AFG3L2: variants seen among roughly 807,000 people sequenced by gnomAD.
AFG3L2 encodes the protein mitochondrial inner membrane m-AAA protease component AFG3L2.
A neutral mutation model predicts 94.5 loss-of-function variants in AFG3L2; 54 were observed. That is an observed-to-expected ratio of 0.57 (90% CI 0.46 to 0.72). The LOEUF (loss-of-function observed/expected upper bound fraction) is 0.72, where lower values mean the gene tolerates loss of function less well. Among genes scored for constraint, AFG3L2 ranks in the 30% least tolerant of loss-of-function variants. The pLI is 0.00. For missense variants in AFG3L2, 754 were observed against 994.9 expected, an observed-to-expected ratio of 0.76 and a Z score of 3.26; for synonymous variants, 377 against 365.5, an observed-to-expected ratio of 1.03 and a Z score of -0.36.
rs1401727088 is a variant in AFG3L2, at chr18:12,337,506, A to G, written c.2010T>C (p.Val670=). The G allele has an allele frequency of 1.2e-6, 2 of 1,614,110 alleles. No individual in the cohort carries two copies. The highest frequency in any genetic ancestry group is 1.1e-5 in the South Asian group (1 of 91,094). The change falls in exon 16 of 17, where the codon GTT becomes GTC. Residue 670 remains valine (V), a synonymous_variant. Coordinates refer to ENST00000269143, the MANE Select transcript of AFG3L2 (RefSeq NM_006796.3). The part of the protein sequence containing the change: ...QIVQFGMNEK[V]GQISFDLPRQ... ...GTGGGAGGTCAAAGGAGATTTGCCC[A>G]ACCTTTTCATTCATGCCAAACTGAA...
At chr18:12,332,129 T>TTTA (rs1168042586) in intron 16 of AFG3L2, among the ~76,000 whole-genome samples, 3 of 149,812 alleles carry the variant, frequency 2.0e-5, no homozygotes, top group Admixed American at 2.0e-4. Flanking sequence ...AATGATTTTT[T>TTTA]TTTTTTTTTT....
At chr18:12,352,950 T>C in intron 10 of AFG3L2, 55 bp downstream of exon 10, 3 of 1,599,214 alleles carry the variant, frequency 1.9e-6, no homozygotes, top group South Asian at 2.2e-5. Flanking sequence ...TCAGACTCCA[T>C]CTCAAAAAAA....
intron 8 of AFG3L2, among the ~76,000 whole-genome samples, 164 bp from the exon 9 acceptor site, chr18:12,356,995 G>A (rs1908517397): frequency 6.6e-6 from 1 of 152,026 alleles, no homozygotes; most frequent in Non-Finnish European, 1.5e-5. Context: ...ATATTAGTAA[G>A]AATAAAAAGA....
intron 12 of AFG3L2, 36 bp downstream of exon 12, chr18:12,351,049 T>G (rs1426384187): frequency 6.2e-7 from 1 of 1,611,568 alleles, no homozygotes; most frequent in African/African-American, 1.3e-5. Context: ...GATTTTAATA[T>G]GCTTCTAAAT....
chr18:12,370,932 A>C lies in AFG3L2; in HGVS notation c.215-6T>G. The C allele has an allele frequency of 6.8e-7, 1 of 1,478,842 alleles. No individual in the cohort carries two copies. Among genetic ancestry groups the C allele is most frequent in the Non-Finnish European group, 9.4e-7 (1 of 1,068,886 alleles). 91.6% of individuals were successfully genotyped at this position (1,478,842 alleles called of 1,614,324 possible). A position where few individuals can be genotyped will look rare whatever the true frequency, so the allele number is the denominator to read the frequency against. On this transcript the variant is annotated splice_region_variant and splice_polypyrimidine_tract_variant and intron_variant, in intron 2 of 16. Transcript: ENST00000269143. Reference sequence around the variant, plus strand: ...AGGAAAGTATTTTTCAAATCCTGTTAGAAAAAGAAAAAAAATACTTATCTT... The same window carrying C: ...AGGAAAGTATTTTTCAAATCCTGTTCGAAAAAGAAAAAAAATACTTATCTT...
At chr18:12,331,148 T>C (rs961476593) in intron 16 of AFG3L2, among the ~76,000 whole-genome samples, 1 of 152,192 alleles carries the variant, frequency 6.6e-6, no homozygotes, top group South Asian at 2.1e-4. Flanking sequence ...TTAGATACCA[T>C]TGTGTTACAA....
At position 12,337,329 on chromosome 18, in the gene AFG3L2, A is replaced by G. The variant is rs1598820733; in HGVS notation, c.2175+12T>C. ...AAAACTGTAAAGAATTATTCCCACA[A>G]CTGGCACCTACCTTCTCCACGTCAG... On this transcript the variant is annotated intron_variant, in intron 16 of 16. Coordinates refer to ENST00000269143, the MANE Select transcript of AFG3L2 (RefSeq NM_006796.3). The G allele has an allele frequency of 3.1e-6, 5 of 1,612,898 alleles. 1 individual carries two copies. In the Admixed American group the frequency reaches 8.3e-5, roughly 27 times the overall value.
At chr18:12,336,987 A>G (rs1907761989) in intron 16 of AFG3L2, 1 of 490,832 alleles carries the variant, frequency 2.0e-6, no homozygotes, top group Non-Finnish European at 3.6e-6. Context: ...TATTTATTTT[A>G]GAGGTGAAAC....
At chr18:12,357,856 C>T (rs556509284) in intron 8 of AFG3L2, among the ~76,000 whole-genome samples, 154 of 152,266 alleles carry the variant, frequency 1.0e-3, no homozygotes, top group African/African-American at 3.6e-3. Context: ...ACCTCAGCCT[C>T]CCAAAGTGCT....
At chr18:12,348,939 T>C (rs1055847543) in intron 12 of AFG3L2, among the ~76,000 whole-genome samples, 4 of 152,214 alleles carry the variant, frequency 2.6e-5, no homozygotes, top group African/African-American at 9.6e-5. Flanking sequence ...CTGTGTTAAA[T>C]AAACAAATAT....
rs139797458 is a variant in AFG3L2, at chr18:12,345,241, G to A, written c.1664-994C>T. On this transcript the variant is annotated intron_variant, in intron 13 of 16. Coordinates refer to ENST00000269143, the MANE Select transcript of AFG3L2 (RefSeq NM_006796.3). ...GCCCACAAGACCCGTGCTGCAGCCT[G>A]CGTCCACCACAGTGCTGACCGGACT... 8.5e-3 allele frequency among the ~76,000 whole-genome samples: 1,295 copies of A among 152,354 alleles called. 17 individuals are homozygous for A. The highest frequency in any genetic ancestry group is 0.029 in the African/African-American group (1,203 of 41,584).
intron 15 of AFG3L2, among the ~76,000 whole-genome samples, chr18:12,339,760 AAT>A (rs1907882336): frequency 6.6e-6 from 1 of 150,670 alleles, no homozygotes. Context: ...GAGGCAGAAG[AAT>A]GGTGTGAACC....
chr18:12,361,515 G>A (rs1049573252), intron 6 of AFG3L2, among the ~76,000 whole-genome samples: 4 of 152,130 alleles, frequency 2.6e-5, no homozygotes, highest in African/African-American at 9.7e-5. Flanking sequence ...AGGCATGGTG[G>A]CAGGCACCAG....
At chr18:12,373,650 T>C (rs1349844648) in intron 1 of AFG3L2, among the ~76,000 whole-genome samples, 1 of 152,116 alleles carries the variant, frequency 6.6e-6, no homozygotes, top group Non-Finnish European at 1.5e-5. Flanking sequence ...AGGGGAAGTA[T>C]GAGAAACAGG....
chr18:12,375,958 G>C (rs1395415428), intron 1 of AFG3L2, among the ~76,000 whole-genome samples: 1 of 152,162 alleles, frequency 6.6e-6, no homozygotes, highest in East Asian at 1.9e-4. Context: ...TCCGGCCTGG[G>C]CGAAGAAGCA....
chr18:12,344,326 C>A (rs1908055282), intron 13 of AFG3L2, 79 bp from the exon 14 acceptor site: 3 of 1,179,326 alleles, frequency 2.5e-6, no homozygotes, highest in Non-Finnish European at 2.5e-6. Context: ...CAGTGCTATA[C>A]ATTGCCTTAC....
At chr18:12,336,635 G>C (rs1250055180) in intron 16 of AFG3L2, among the ~76,000 whole-genome samples, 1 of 152,208 alleles carries the variant, frequency 6.6e-6, no homozygotes, top group African/African-American at 2.4e-5. Context: ...CTGGGCAGCA[G>C]GCAAAATAAA....
intron 3 of AFG3L2, among the ~76,000 whole-genome samples, chr18:12,370,050 G>A (rs1908930383): frequency 2.0e-5 from 2 of 97,704 alleles, no homozygotes; most frequent in Middle Eastern, 7.9e-3. Flanking sequence ...GCTAGACTCT[G>A]TCTCAAAAAA....
chr18:12,332,695 A>G (rs1162393818), intron 16 of AFG3L2, among the ~76,000 whole-genome samples: 3 of 149,226 alleles, frequency 2.0e-5, no homozygotes, highest in East Asian at 1.9e-4. Flanking sequence ...TTTTTTGTCT[A>G]TATCTCTAAA....
Sources: gnomAD v4.1 joint callset for allele counts (sites outside exome capture counted in the v4.1 genomes callset) on GRCh38, gnomAD v4.1.1 for gene constraint, MANE v1.5 for transcripts, NCBI Gene and HGNC (gene_info 2026-07-23, HGNC 2026-07-21) for gene names.